Variants in CSMD2 observed in about 807,000 individuals in gnomAD.
CSMD2 encodes CUB and sushi domain-containing protein 2.
Under a neutral mutation model 398.5 loss-of-function variants are expected in CSMD2, and 130 were observed. The observed-to-expected ratio is 0.33, with a 90% CI of 0.28 to 0.38. CSMD2 has a LOEUF of 0.38. Ranked by LOEUF, CSMD2 falls within the 10% of genes least tolerant of loss-of-function variation. CSMD2 has a pLI of 1.00. For synonymous variants in CSMD2, 1,828 were observed against 1,908.5 expected (o/e 0.96, Z 1.10); for missense variants, 3,829 against 4,764.9 (o/e 0.80, Z 5.78).
At chr1:33,571,812 G>A (rs1043330652) in intron 50 of CSMD2, 86 bp from the exon 51 acceptor site, 1 of 1,004,924 alleles carries the variant, frequency 1.0e-6, no homozygotes, top group Non-Finnish European at 1.3e-6. Context: ...GGGACTTGGA[G>A]ACCTTAATGC....
At chr1:33,901,724 T>C (rs1413905606) in intron 5 of CSMD2, among the ~76,000 whole-genome samples, 1 of 152,192 alleles carries the variant, frequency 6.6e-6, no homozygotes, top group Non-Finnish European at 1.5e-5. Flanking sequence ...TCACAGAAAC[T>C]GGCACAGAGT....
intron 10 of CSMD2, among the ~76,000 whole-genome samples, chr1:33,810,150 C>A (rs1202953267): frequency 6.6e-6 from 1 of 151,694 alleles, no homozygotes; most frequent in Non-Finnish European, 1.5e-5. Flanking sequence ...TGGATCTTGG[C>A]AACATACTTG....
At chr1:33,789,283 A>C (rs896831483) in intron 11 of CSMD2, among the ~76,000 whole-genome samples, 1 of 143,238 alleles carries the variant, frequency 7.0e-6, no homozygotes, top group Non-Finnish European at 1.5e-5. Flanking sequence ...GGGTTTAAGC[A>C]TGGGTGTGGG....
At chr1:33,871,325 A>G (rs1157500190) in intron 5 of CSMD2, among the ~76,000 whole-genome samples, 1 of 152,218 alleles carries the variant, frequency 6.6e-6, no homozygotes, top group Non-Finnish European at 1.5e-5. Flanking sequence ...TGCCTCAAAG[A>G]CAATTGAAGA....
At chr1:34,162,124 A>G (rs1301558881) in intron 1 of CSMD2, among the ~76,000 whole-genome samples, 1 of 144,872 alleles carries the variant, frequency 6.9e-6, no homozygotes, top group Non-Finnish European at 1.5e-5. Flanking sequence ...GCAAGCCGAG[A>G]TTGCGCCATT....
At chr1:33,841,104 A>G (rs1321623) in intron 6 of CSMD2, among the ~76,000 whole-genome samples, 40,485 of 152,136 alleles carry the variant, frequency 0.27, 5,958 homozygotes, top group South Asian at 0.44. Context: ...AAAGGAGCCA[A>G]TGGTTTTCAC....
intron 3 of CSMD2, among the ~76,000 whole-genome samples, chr1:33,997,540 C>T (rs970536932): frequency 6.6e-6 from 1 of 152,172 alleles, no homozygotes; most frequent in African/African-American, 2.4e-5. Flanking sequence ...TCTTCCTCCC[C>T]TCTCTCAGTC....
At chr1:33,917,604 T>C (rs1159427469) in intron 5 of CSMD2, among the ~76,000 whole-genome samples, 1 of 152,284 alleles carries the variant, frequency 6.6e-6, no homozygotes, top group East Asian at 1.9e-4. Context: ...AGAAAGTAAG[T>C]CCTACCCTTC....
At chr1:34,079,698 A>C (rs1052704768) in intron 2 of CSMD2, among the ~76,000 whole-genome samples, 2 of 152,184 alleles carry the variant, frequency 1.3e-5, no homozygotes, top group East Asian at 3.9e-4. Context: ...AGACCTACCT[A>C]AGACAAAAGC....
intron 1 of CSMD2, among the ~76,000 whole-genome samples, chr1:34,105,124 T>G (rs1660404119): frequency 1.3e-5 from 2 of 152,248 alleles, no homozygotes; most frequent in Admixed American, 6.5e-5. Flanking sequence ...TTAATGAAGA[T>G]GTGCACTATT....
chr1:33,978,386 T>C (rs1033254881), intron 3 of CSMD2, among the ~76,000 whole-genome samples: 9 of 152,148 alleles, frequency 5.9e-5, no homozygotes, highest in Admixed American at 5.9e-4. Context: ...TGTGAATCTC[T>C]GGGGATTCGG....
At chr1:34,032,480 C>T (rs185337653) in intron 3 of CSMD2, 114 bp downstream of exon 3, 49 of 637,630 alleles carry the variant, frequency 7.7e-5, no homozygotes, top group African/African-American at 5.0e-4. Flanking sequence ...TCAGGACAGG[C>T]GCAAGCTCTG....
intron 2 of CSMD2, among the ~76,000 whole-genome samples, chr1:34,063,170 T>C (rs765903928): frequency 3.3e-5 from 5 of 152,080 alleles, no homozygotes; most frequent in African/African-American, 7.2e-5. Context: ...CAAGTTGAGA[T>C]TGGGGTGGGG....
chr1:33,552,476 A>T (rs1269830606), intron 55 of CSMD2, among the ~76,000 whole-genome samples: 1 of 152,260 alleles, frequency 6.6e-6, no homozygotes. Flanking sequence ...AGCATAATTC[A>T]TAATAGCTAA....
chr1:33,652,915 C>T (rs1456372824), intron 27 of CSMD2, among the ~76,000 whole-genome samples: 1 of 152,122 alleles, frequency 6.6e-6, no homozygotes. Context: ...CCACCATGCC[C>T]ACCTAATTTT....
intron 3 of CSMD2, among the ~76,000 whole-genome samples, chr1:33,963,112 C>T (rs1172162102): frequency 6.6e-6 from 1 of 152,168 alleles, no homozygotes; most frequent in Non-Finnish European, 1.5e-5. Context: ...TCTTCCTCAC[C>T]CTGGATCCAA....
intron 3 of CSMD2, among the ~76,000 whole-genome samples, chr1:33,996,544 A>AAG (rs1455758210): frequency 6.6e-6 from 1 of 152,224 alleles, no homozygotes; most frequent in Non-Finnish European, 1.5e-5. Context: ...CTGAGGAAGG[A>AAG]GACCCAGGAG....
chr1:34,141,684 G>A (rs1639309101), intron 1 of CSMD2, among the ~76,000 whole-genome samples: 1 of 67,144 alleles, frequency 1.5e-5, no homozygotes, highest in Non-Finnish European at 5.1e-5. Context: ...TGAGGGGTGA[G>A]CACATGGAAA....
rs1217958136 is a variant in CSMD2, at chr1:33,738,772, C to G, written c.2368+368G>C. On this transcript the variant is annotated intron_variant, in intron 15 of 70. Transcript: ENST00000373381. ...AAGAGTGACAGGCAGCTTGAAAGAC[C>G]CGAAAACTCGCAGCGCTGCCAATGC... Among the ~76,000 whole-genome samples the G allele has an allele frequency of 2.0e-5, 3 of 152,018 alleles. 1 individual carries two copies. In the South Asian group the frequency reaches 6.2e-4, roughly 32 times the overall value.
Sources: gnomAD v4.1 joint callset for allele counts (sites outside exome capture counted in the v4.1 genomes callset) on GRCh38, gnomAD v4.1.1 for gene constraint, MANE v1.5 for transcripts, NCBI Gene and HGNC (gene_info 2026-07-23, HGNC 2026-07-21) for gene names.